JMJD1C: variants seen among roughly 807,000 people sequenced by gnomAD.
JMJD1C encodes jumonji domain-containing protein 1C.
Under a neutral mutation model 245.3 loss-of-function variants are expected in JMJD1C, and 31 were observed. The ratio of observed to expected loss-of-function variants is 0.13; its 90% CI spans 0.09 to 0.17. The LOEUF is 0.17. JMJD1C is among the 10% of genes least tolerant of loss of function. The pLI is 1.00. For missense variants in JMJD1C, 2,691 were observed against 3,000.2 expected (o/e 0.90, Z 2.41); for synonymous variants, 1,057 against 1,017.4 (o/e 1.04, Z -0.74).
chr10:63,303,542 G>C (rs141779253), intron 2 of JMJD1C, among the ~76,000 whole-genome samples: 4 of 152,230 alleles, frequency 2.6e-5, no homozygotes, highest in African/African-American at 9.6e-5. Flanking sequence ...CTAACCTCAG[G>C]TGATCTGCCC....
Position 63,207,571 on chromosome 10 carries a change from T to C in JMJD1C, c.4098A>G (p.Thr1366=). Residue 1366 remains threonine, a synonymous_variant, in exon 10 of 26, where the codon ACA becomes ACG. Coordinates refer to ENST00000399262, the MANE Select transcript of JMJD1C (RefSeq NM_032776.3). ...LPNVNSDSVH[T]KSEKNFQAVS... ...CAGCCTGAAAGTTTTTTTCAGATTT[T>C]GTGTGAACACTGTCTGAATTCACAT... 1 of 1,614,224 alleles carries C rather than the reference T, an allele frequency of 6.2e-7. No homozygotes were observed. Among genetic ancestry groups the C allele is most frequent in the Non-Finnish European group, 8.5e-7 (1 of 1,180,032 alleles).
At chr10:63,219,623 T>C (rs1212476355) in intron 4 of JMJD1C, among the ~76,000 whole-genome samples, 1 of 152,194 alleles carries the variant, frequency 6.6e-6, no homozygotes, top group East Asian at 1.9e-4. Context: ...TAATATGCAG[T>C]TTTCTGTCAA....
intron 3 of JMJD1C, among the ~76,000 whole-genome samples, chr10:63,243,122 TATAA>T (rs967493230): frequency 3.1e-4 from 27 of 87,222 alleles, no homozygotes; most frequent in Non-Finnish European, 2.9e-4. Flanking sequence ...TATATATATA[TATAA>T]ATATATATAT....
intron 2 of JMJD1C, among the ~76,000 whole-genome samples, chr10:63,324,530 CAAAG>C (rs1240862683): frequency 1.3e-5 from 2 of 152,082 alleles, no homozygotes; most frequent in South Asian, 2.1e-4. Context: ...AACTTATAAA[CAAAG>C]AAGCCTAGAG....
Position 63,214,009 on chromosome 10 carries a change from T to A in JMJD1C, c.2158A>T (p.Ile720Phe). The change falls in exon 8 of 26, where the codon ATT becomes TTT. Residue 720 changes from isoleucine (I) to phenylalanine (F), a missense_variant. Physicochemically the swap from Ile to Phe is conservative, Grantham distance 21. Transcript: ENST00000399262. The part of the protein sequence containing the change: ...HFTVYRDPAL[I>F]GSETGANHIS... ...TGATTAGCTCCTGTTTCTGACCCAATAAGTGCAGGATCTCTGTAAACTGTA... is the reference window on the plus strand; with the variant it reads ...TGATTAGCTCCTGTTTCTGACCCAAAAAGTGCAGGATCTCTGTAAACTGTA... The A allele has an allele frequency of 1.2e-6, 2 of 1,614,200 alleles. No homozygotes were observed. The highest frequency in any genetic ancestry group is 8.5e-7 in the Non-Finnish European group (1 of 1,180,006).
chr10:63,322,207 T>G (rs1481995912), intron 2 of JMJD1C, among the ~76,000 whole-genome samples: 3 of 152,200 alleles, frequency 2.0e-5, no homozygotes, highest in African/African-American at 7.2e-5. Flanking sequence ...TGGTTATCAA[T>G]TTACATAAAA....
At chr10:63,232,437 A>G (rs919485873) in intron 3 of JMJD1C, among the ~76,000 whole-genome samples, 2 of 152,226 alleles carry the variant, frequency 1.3e-5, no homozygotes, top group Non-Finnish European at 2.9e-5. Flanking sequence ...TGAAAAATGT[A>G]AAACTGATAC....
chr10:63,452,578 G>T (rs1157421822), intron 1 of JMJD1C, among the ~76,000 whole-genome samples: 1 of 152,018 alleles, frequency 6.6e-6, no homozygotes, highest in African/African-American at 2.4e-5. Flanking sequence ...TCCAATTCTG[G>T]GTACATACCC....
intron 2 of JMJD1C, among the ~76,000 whole-genome samples, chr10:63,288,605 A>G (rs1434164076): frequency 2.0e-5 from 3 of 152,120 alleles, no homozygotes; most frequent in Admixed American, 2.0e-4. Context: ...AGTTTTAAGA[A>G]TTGGTATATT....
intron 2 of JMJD1C, 81 bp downstream of exon 2, chr10:63,380,237 C>T: frequency 7.0e-7 from 1 of 1,429,180 alleles, no homozygotes; most frequent in East Asian, 2.3e-5. Flanking sequence ...AGTCACCAAA[C>T]CTGGCCTTTG....
At chr10:63,228,896 T>C (rs1849629959) in intron 3 of JMJD1C, among the ~76,000 whole-genome samples, 1 of 152,200 alleles carries the variant, frequency 6.6e-6, no homozygotes, top group African/African-American at 2.4e-5. Context: ...TATAACAATA[T>C]ACTTGATTTT....
chr10:63,225,503 G>T (rs1446564905), intron 3 of JMJD1C, among the ~76,000 whole-genome samples: 1 of 152,068 alleles, frequency 6.6e-6, no homozygotes, highest in Non-Finnish European at 1.5e-5. Flanking sequence ...CTACCATAAG[G>T]CCAGGCGCGG....
At position 63,347,458 on chromosome 10, in the gene JMJD1C, G is replaced by A. The variant is rs1023248153; in HGVS notation, c.333+32860C>T. On this transcript the variant is annotated intron_variant, in intron 2 of 25. Coordinates refer to ENST00000399262, the MANE Select transcript of JMJD1C (RefSeq NM_032776.3). ...AAATTAGCCAGGCATGGTGGCGCAC[G>A]CCTGTAGTCCCAGCTACTTGGGAGG... Among the ~76,000 whole-genome samples, 11 of 151,530 alleles carry A rather than the reference G, an allele frequency of 7.3e-5. No homozygotes were observed. In the East Asian group the frequency reaches 2.2e-3, roughly 30 times the overall value.
intron 1 of JMJD1C, among the ~76,000 whole-genome samples, chr10:63,518,177 C>G (rs1955082794): frequency 6.6e-6 from 1 of 152,158 alleles, no homozygotes; most frequent in South Asian, 2.1e-4. Context: ...CAGTCCAATA[C>G]ACAGAAATTA....
At position 63,215,665 on chromosome 10, in the gene JMJD1C, A is replaced by G. The variant is rs896657593; in HGVS notation, c.710T>C (p.Met237Thr). The change falls in exon 6 of 26, where the codon ATG becomes ACG. Residue 237 changes from methionine to threonine, a missense_variant. Met to Thr is a moderately conservative substitution (Grantham distance 81, BLOSUM62 -1). Around this residue, in one of 9 missense-constraint regions of JMJD1C, gnomAD observed 172 missense variants for 240.8 expected, o/e 0.71. Transcript: ENST00000399262. Reference protein sequence around the residue: ...VLEPQNVDPSMVQMTFLDDVV... With the variant: ...VLEPQNVDPSTVQMTFLDDVV... ...ATCATCTAGAAAGGTCATTTGAACC[A>G]TAGAAGGATCGACATTCTGTGGTTC... The G allele has an allele frequency of 1.9e-6, 3 of 1,596,642 alleles. No individual in the cohort carries two copies. The highest frequency in any genetic ancestry group is 2.6e-6 in the Non-Finnish European group (3 of 1,166,710).
intron 15 of JMJD1C, 82 bp from the exon 16 acceptor site, chr10:63,193,233 A>G: frequency 6.8e-7 from 1 of 1,470,158 alleles, no homozygotes; most frequent in Non-Finnish European, 9.3e-7. Flanking sequence ...ATTTACACAG[A>G]AACACAGCAA....
chr10:63,493,136 G>C (rs988983331), intron 1 of JMJD1C, among the ~76,000 whole-genome samples: 1 of 151,496 alleles, frequency 6.6e-6, no homozygotes, highest in Non-Finnish European at 1.5e-5. Flanking sequence ...ACTGAGTATG[G>C]AGACTTAACA....
At chr10:63,332,106 C>G (rs1942221905) in intron 2 of JMJD1C, among the ~76,000 whole-genome samples, 1 of 152,098 alleles carries the variant, frequency 6.6e-6, no homozygotes, top group South Asian at 2.1e-4. Context: ...AATATTATAC[C>G]ATTTACCCTA....
At chr10:63,420,734 A>C (rs975195673) in intron 1 of JMJD1C, among the ~76,000 whole-genome samples, 1 of 151,358 alleles carries the variant, frequency 6.6e-6, no homozygotes, top group Non-Finnish European at 1.5e-5. Context: ...AAAAAAAAAA[A>C]AGGAGGCTGG....
Sources: allele counts gnomAD v4.1 joint callset (sites outside exome capture counted in the v4.1 genomes callset), GRCh38; gene constraint gnomAD v4.1.1; regional missense constraint gnomAD v4.1.1; transcripts MANE v1.5; gene names NCBI Gene and HGNC (gene_info 2026-07-23, HGNC 2026-07-21).